NFE2L3: variants seen among roughly 807,000 people sequenced by gnomAD.
NFE2L3 encodes nuclear factor erythroid 2-related factor 3.
Under a neutral mutation model 23.5 loss-of-function variants are expected in NFE2L3, and 18 were observed. That is an observed-to-expected ratio of 0.77 (90% CI 0.53 to 1.13). The LOEUF (loss-of-function observed/expected upper bound fraction) is 1.13. Ranked by LOEUF, NFE2L3 falls within the 50% of genes most tolerant of loss-of-function variation. NFE2L3 has a pLI of 0.00. For missense variants in NFE2L3, 1,152 were observed against 877.2 expected (o/e 1.31, Z -3.96); for synonymous variants, 424 against 354.5 (o/e 1.20, Z -2.20).
At chr7:26,184,304 ATACTAATCCATCTTAATTTC>A (rs1782418197) in intron 3 of NFE2L3, 1 of 503,034 alleles carries the variant, frequency 2.0e-6, no homozygotes, top group Non-Finnish European at 3.5e-6. Context: ...GTCAGCTTTT[ATACTAATCCATCTTAATTTC>A]TAGGTTACTC....
chr7:26,159,194 T>C (rs1228699675), intron 1 of NFE2L3, among the ~76,000 whole-genome samples: 1 of 152,196 alleles, frequency 6.6e-6, no homozygotes, highest in African/African-American at 2.4e-5. Context: ...GGCCTCTCCA[T>C]GTAGCCTTCT....
Position 26,185,523 on chromosome 7 carries a change from GATGT to G in NFE2L3, c.1831_1834del (p.Cys611ThrfsTer22), listed in dbSNP as rs765875309. Reference sequence around the variant, plus strand: ...GGACATAATTTTGAATTTAGAAGATGATGTATGTAACTTGCAAGCAAAGAAGGAA... The same window carrying G: ...GGACATAATTTTGAATTTAGAAGATGATGTAACTTGCAAGCAAAGAAGGAA... On this transcript the variant is annotated frameshift_variant, in exon 4 of 4. Coordinates refer to ENST00000056233, the MANE Select transcript of NFE2L3 (RefSeq NM_004289.7). LOFTEE classifies it low-confidence loss of function (END_TRUNC). 180 of 1,613,908 alleles carry G rather than the reference GATGT, an allele frequency of 1.1e-4. No homozygotes were observed. Among genetic ancestry groups the G allele is most frequent in the African/African-American group, 1.5e-4 (11 of 75,040 alleles).
chr7:26,176,443 G>A (rs1436261762), intron 1 of NFE2L3, among the ~76,000 whole-genome samples: 2 of 151,786 alleles, frequency 1.3e-5, no homozygotes, highest in Non-Finnish European at 2.9e-5. Context: ...CAGCAGCCAG[G>A]CAGAGGCGCT....
chr7:26,155,739 G>T (rs1385687857), intron 1 of NFE2L3, among the ~76,000 whole-genome samples: 3 of 152,196 alleles, frequency 2.0e-5, no homozygotes, highest in African/African-American at 7.2e-5. Flanking sequence ...GGGAGAAAAT[G>T]GGCTGGAAAA....
chr7:26,166,365 C>T (rs1352282069), intron 1 of NFE2L3, among the ~76,000 whole-genome samples: 1 of 152,170 alleles, frequency 6.6e-6, no homozygotes, highest in Non-Finnish European at 1.5e-5. Flanking sequence ...TCTAGCCTTC[C>T]CCTGGTGAAC....
chr7:26,165,018 T>C (rs1192901698), intron 1 of NFE2L3, among the ~76,000 whole-genome samples: 4 of 152,252 alleles, frequency 2.6e-5, no homozygotes, highest in Non-Finnish European at 4.4e-5. Flanking sequence ...ATCTCTGTTT[T>C]GGTACCAGTA....
chr7:26,177,532 G>C (rs1784435678), intron 1 of NFE2L3, among the ~76,000 whole-genome samples: 1 of 152,212 alleles, frequency 6.6e-6, no homozygotes, highest in African/African-American at 2.4e-5. Flanking sequence ...GAGGCAGGGA[G>C]GTTGCAGCGA....
In NFE2L3 at chr7:26,185,004, A is replaced by G; in HGVS notation, c.1306A>G (p.Asn436Asp). 1.2e-6 allele frequency: 2 copies of G among 1,613,868 alleles called. No homozygotes were observed. Among genetic ancestry groups the G allele is most frequent in the Non-Finnish European group, 8.5e-7 (1 of 1,179,822 alleles). ...CAATAATACCTCTGTCATCAAGTCT[A>G]ATTCCTCTCACTCTGTGTGTGATGA... ...SHNNTSVIKS[N>D]SSHSVCDEGA... The change falls in exon 4 of 4, where the codon AAT becomes GAT. Residue 436 changes from asparagine to aspartate, a missense_variant. Asn to Asp is a conservative substitution (Grantham distance 23). Coordinates refer to ENST00000056233, the MANE Select transcript of NFE2L3 (RefSeq NM_004289.7).
chr7:26,177,974 C>G lies in NFE2L3; in HGVS notation c.602C>G (p.Ala201Gly). ...GGGGTACTAAGAGAAAAGCACGAAG[C>G]TGTGGATCATAGTTCCCAGCATGAG... ...ENGVLREKHEAVDHSSQHEEN... is the reference protein window; with the variant it reads ...ENGVLREKHEGVDHSSQHEEN... Residue 201 changes from alanine to glycine, a missense_variant, in exon 2 of 4, where the codon GCT (alanine) becomes GGT (glycine). Transcript: ENST00000056233. 1 of 1,613,812 alleles carries G rather than the reference C, an allele frequency of 6.2e-7. No individual in the cohort carries two copies. The highest frequency in any genetic ancestry group is 2.2e-5 in the East Asian group (1 of 44,870).
chr7:26,152,850 G>A lies in NFE2L3; in HGVS notation c.352G>A (p.Ala118Thr), dbSNP rs1389378418. The A allele has an allele frequency of 2.0e-6, 3 of 1,473,452 alleles. No homozygotes were observed. The highest frequency in any genetic ancestry group is 5.9e-5 in the East Asian group (2 of 33,806). The allele number at this position is 1,473,452 out of a possible 1,614,324, so 91.3% of individuals were successfully genotyped here. A position where few individuals can be genotyped will look rare whatever the true frequency, so the allele number is the denominator to read the frequency against. Residue 118 changes from alanine (A) to threonine (T), a missense_variant, in exon 1 of 4, where the codon GCC becomes ACC. Transcript: ENST00000056233. This position sits in a 1 kb window ranked among gnomAD's most constrained non-coding sequence, Gnocchi z 4.4. ...TGCATGGCTGGTGCACAGCGTGGCT[G>A]CCGGGAGCGCGGACGAGGCCCACGG... is the stretch of plus-strand genomic sequence containing the variant. ...VDAWLVHSVA[A>T]GSADEAHGLL...
At chr7:26,176,311 C>A (rs1355686711) in intron 1 of NFE2L3, among the ~76,000 whole-genome samples, 8 of 152,180 alleles carry the variant, frequency 5.3e-5, no homozygotes, top group African/African-American at 1.4e-4. Context: ...CCCCACATTT[C>A]CCCCTTTTCT....
Position 26,177,842 on chromosome 7 carries a change from T to C in NFE2L3, c.571-101T>C. On this transcript the variant is annotated intron_variant, in intron 1 of 3. Transcript: ENST00000056233. The stretch of plus-strand genomic sequence containing the variant: ...TGATACTGAAATATTGAAATGCCGG[T>C]CTTAGCTTTTGACTTGTGGGTTTTC... The C allele has an allele frequency of 7.2e-6, 7 of 976,420 alleles. No homozygotes were observed. The South Asian group carries it at 1.1e-4, about 16-fold the overall frequency. The allele number at this position is 976,420 out of a possible 1,614,324, so 60.5% of individuals were successfully genotyped here. A position where few individuals can be genotyped will look rare whatever the true frequency, so the allele number is the denominator to read the frequency against.
Position 26,185,298 on chromosome 7 carries a change from A to C in NFE2L3, c.1600A>C (p.Asn534His), listed in dbSNP as rs371855438. ...TAGATACCTTGAAGACACAGATAGAAACTTGAGCCGTGATGAACAGCGTGC... is the reference window on the plus strand; with the variant it reads ...TAGATACCTTGAAGACACAGATAGACACTTGAGCCGTGATGAACAGCGTGC... ...RSRYLEDTDR[N>H]LSRDEQRAKA... The change falls in exon 4 of 4, where the codon AAC (asparagine) becomes CAC (histidine). Residue 534 changes from asparagine to histidine, a missense_variant. Transcript: ENST00000056233. The C allele has an allele frequency of 6.8e-6, 11 of 1,614,126 alleles. No individual in the cohort carries two copies. The African/African-American group carries it at 1.5e-4, about 22-fold the overall frequency.
At position 26,178,010 on chromosome 7, in the gene NFE2L3, A is replaced by G; in HGVS notation, c.638A>G (p.Glu213Gly). The G allele has an allele frequency of 6.2e-7, 1 of 1,614,200 alleles. No individual in the cohort carries two copies. The highest frequency in any genetic ancestry group is 8.5e-7 in the Non-Finnish European group (1 of 1,180,006). The change falls in exon 2 of 4, where the codon GAA (glutamate) becomes GGA (glycine). Residue 213 changes from glutamate to glycine, a missense_variant. Transcript: ENST00000056233. ...DHSSQHEENE[E>G]RVSAQKENSL... ...AGTTCCCAGCATGAGGAAAATGAAG[A>G]AAGGGTGTCAGCCCAGAAGGAGAAC...
At chr7:26,180,297 T>A (rs577797265) in intron 2 of NFE2L3, among the ~76,000 whole-genome samples, 2 of 152,280 alleles carry the variant, frequency 1.3e-5, no homozygotes, top group Admixed American at 6.5e-5. Context: ...CCATTTTCAC[T>A]CTGACCAGTG....
intron 2 of NFE2L3, among the ~76,000 whole-genome samples, chr7:26,181,890 T>C (rs1416741973): frequency 1.3e-5 from 2 of 152,016 alleles, no homozygotes; most frequent in Non-Finnish European, 2.9e-5. Context: ...AAAGGGTAAG[T>C]TGGAAGAAAG....
intron 3 of NFE2L3, 35 bp from the exon 4 acceptor site, chr7:26,184,498 A>G (rs1359321948): frequency 3.8e-6 from 6 of 1,566,896 alleles, no homozygotes; most frequent in East Asian, 2.2e-5. Flanking sequence ...AAATAGGGCT[A>G]TTCATGTTTG....
chr7:26,167,183 A>G (rs1033919874), intron 1 of NFE2L3, among the ~76,000 whole-genome samples: 6 of 152,210 alleles, frequency 3.9e-5, no homozygotes, highest in Admixed American at 6.5e-5. Context: ...CCGGGTGGCA[A>G]AGGTGAATGG....
chr7:26,168,787 G>T (rs1784290310), intron 1 of NFE2L3, among the ~76,000 whole-genome samples: 1 of 152,104 alleles, frequency 6.6e-6, no homozygotes, highest in African/African-American at 2.4e-5. Context: ...AGTTCTTTAA[G>T]GAATCTCCGT....
Sources: allele counts gnomAD v4.1 joint callset (sites outside exome capture counted in the v4.1 genomes callset), GRCh38; gene constraint gnomAD v4.1.1; non-coding constraint Gnocchi (gnomAD v3.1); transcripts MANE v1.5; gene names NCBI Gene and HGNC (gene_info 2026-07-23, HGNC 2026-07-21).